NTM: variants seen among roughly 807,000 people sequenced by gnomAD.
NTM encodes neurotrimin.
NTM carries 13 observed loss-of-function variants against 42.1 expected under a neutral mutation model. That is an observed-to-expected ratio of 0.31 (90% confidence interval 0.20 to 0.49). The LOEUF (loss-of-function observed/expected upper bound fraction) is 0.49. Ranked by LOEUF, NTM falls within the 20% of genes least tolerant of loss-of-function variation. NTM has a pLI of 0.99. For synonymous variants in NTM, 187 were observed against 179.2 expected, an observed-to-expected ratio of 1.04 and a Z score of -0.35; for missense variants, 373 against 452.8, an observed-to-expected ratio of 0.82 and a Z score of 1.60.
At chr11:132,332,091 G>GAATA (rs1257890485) in intron 8 of NTM, among the ~76,000 whole-genome samples, 6 of 152,230 alleles carry the variant, frequency 3.9e-5, no homozygotes, top group African/African-American at 1.4e-4. Flanking sequence ...TTCGCATAAA[G>GAATA]AATAAATTCC....
intron 1 of NTM, among the ~76,000 whole-genome samples, chr11:131,452,814 T>C (rs1471215555): frequency 6.6e-6 from 1 of 152,168 alleles, no homozygotes; most frequent in Non-Finnish European, 1.5e-5. Context: ...TGGTACTGCC[T>C]TTGGGTGGGA....
chr11:131,474,056 C>T (rs1354073601), intron 1 of NTM, among the ~76,000 whole-genome samples: 1 of 152,024 alleles, frequency 6.6e-6, no homozygotes, highest in Non-Finnish European at 1.5e-5. Context: ...ACTGTCTTCA[C>T]CTCATTCTCT....
At chr11:132,320,934 A>G (rs576931788) in intron 7 of NTM, among the ~76,000 whole-genome samples, 3,627 of 150,396 alleles carry the variant, frequency 0.024, 146 homozygotes, top group East Asian at 0.13. Flanking sequence ...CTCACACTGC[A>G]GGGTACTCCA....
Position 131,459,005 on chromosome 11 carries a change from C to T in NTM, c.82+88117C>T, listed in dbSNP as rs527699023. Among the ~76,000 whole-genome samples the T allele has an allele frequency of 3.9e-5, 6 of 152,380 alleles. No homozygotes were observed. The East Asian group carries it at 9.6e-4, about 24-fold the overall frequency. On this transcript the variant is annotated intron_variant, in intron 1 of 8. Coordinates refer to ENST00000683400, the MANE Select transcript of NTM (RefSeq NM_001352005.2). Reference sequence around the variant, plus strand: ...TTCAATCATGTCCATTACTTGGCTTCCCTGGAGAAGCTAGCTCTTGTTTCT... The same window carrying T: ...TTCAATCATGTCCATTACTTGGCTTTCCTGGAGAAGCTAGCTCTTGTTTCT...
intron 4 of NTM, among the ~76,000 whole-genome samples, chr11:132,242,791 T>A (rs1383843408): frequency 6.6e-6 from 1 of 152,194 alleles, no homozygotes; most frequent in Admixed American, 6.5e-5. Context: ...TATTATAAAA[T>A]TTTGAGCTTG....
chr11:131,559,724 C>T (rs978640605), intron 1 of NTM, among the ~76,000 whole-genome samples: 1 of 152,160 alleles, frequency 6.6e-6, no homozygotes, highest in African/African-American at 2.4e-5. Context: ...ACCTTGACAG[C>T]CACAGCTTTG....
chr11:132,308,713 T>C (rs2095181848), intron 5 of NTM, among the ~76,000 whole-genome samples: 1 of 152,102 alleles, frequency 6.6e-6, no homozygotes, highest in Admixed American at 6.6e-5. Flanking sequence ...TTTAGGTTTG[T>C]GTTACAATGT....
chr11:131,926,896 GTTATAAACGT>G (rs926162591), intron 2 of NTM, among the ~76,000 whole-genome samples: 8 of 152,172 alleles, frequency 5.3e-5, no homozygotes, highest in African/African-American at 1.9e-4. Context: ...ACATCTGCAA[GTTATAAACGT>G]TTAAAATGTG....
intron 1 of NTM, among the ~76,000 whole-genome samples, chr11:131,383,018 G>A (rs1426893064): frequency 2.0e-5 from 3 of 152,028 alleles, no homozygotes; most frequent in Admixed American, 1.3e-4. Context: ...TTGCTCACAG[G>A]TGATCTTCTC....
At chr11:131,670,382 T>C (rs879637991) in intron 1 of NTM, among the ~76,000 whole-genome samples, 3 of 152,068 alleles carry the variant, frequency 2.0e-5, no homozygotes, top group East Asian at 1.9e-4. Context: ...TTCCTTCCTT[T>C]CTTTCTTTTT....
chr11:131,464,684 C>G (rs1373356071), intron 1 of NTM, among the ~76,000 whole-genome samples: 1 of 152,176 alleles, frequency 6.6e-6, no homozygotes, highest in Non-Finnish European at 1.5e-5. Context: ...TCCTGGGAAC[C>G]AGCAGTGCCC....
At chr11:131,824,846 T>C (rs1476794803) in intron 1 of NTM, among the ~76,000 whole-genome samples, 1 of 152,132 alleles carries the variant, frequency 6.6e-6, no homozygotes, top group African/African-American at 2.4e-5. Context: ...AAATGGCTTG[T>C]GCAAAGCTCT....
intron 1 of NTM, among the ~76,000 whole-genome samples, chr11:131,863,382 C>A (rs2046836957): frequency 6.6e-6 from 1 of 152,110 alleles, no homozygotes; most frequent in South Asian, 2.1e-4. Flanking sequence ...CTGGTGTCAG[C>A]AGATGTTCTT....
At chr11:131,855,975 C>A (rs2046052985) in intron 1 of NTM, among the ~76,000 whole-genome samples, 1 of 152,150 alleles carries the variant, frequency 6.6e-6, no homozygotes, top group African/African-American at 2.4e-5. Context: ...TCTGCCAGAT[C>A]CCCACGCCTG....
At chr11:131,890,987 G>A (rs977828779) in intron 1 of NTM, among the ~76,000 whole-genome samples, 20 of 152,162 alleles carry the variant, frequency 1.3e-4, no homozygotes, top group African/African-American at 4.8e-4. Flanking sequence ...CTCTAGCCTA[G>A]CGAGAGGAGA....
intron 1 of NTM, among the ~76,000 whole-genome samples, chr11:131,668,047 G>T (rs923270915): frequency 2.0e-5 from 3 of 152,178 alleles, no homozygotes; most frequent in African/African-American, 7.2e-5. Context: ...TTCCTATTTT[G>T]TGGTTGAGAA....
intron 1 of NTM, among the ~76,000 whole-genome samples, chr11:131,478,684 T>C (rs1430329339): frequency 6.6e-6 from 1 of 152,204 alleles, no homozygotes; most frequent in Non-Finnish European, 1.5e-5. Flanking sequence ...TTAAAAGTGA[T>C]GTTCCCATTG....
intron 2 of NTM, among the ~76,000 whole-genome samples, chr11:132,067,662 C>T (rs796444589): frequency 2.1e-4 from 32 of 152,312 alleles, no homozygotes; most frequent in Admixed American, 6.5e-4. Flanking sequence ...TCCAGTAGGG[C>T]AAATTCCATT....
At chr11:131,502,168 A>AC (rs1219799881) in intron 1 of NTM, among the ~76,000 whole-genome samples, 2 of 151,666 alleles carry the variant, frequency 1.3e-5, no homozygotes, top group Admixed American at 6.6e-5. Context: ...TGAAATCCTC[A>AC]CCCCCCAGAG....
Sources: allele counts gnomAD v4.1 joint callset (sites outside exome capture counted in the v4.1 genomes callset), GRCh38; gene constraint gnomAD v4.1.1; transcripts MANE v1.5; gene names NCBI Gene and HGNC (gene_info 2026-07-23, HGNC 2026-07-21).